The following CD200R1 variants were observed in gnomAD, a reference collection of about 807,000 sequenced individuals.
CD200R1 encodes CD200 receptor 1.
In CD200R1, 30 loss-of-function variants were observed where a neutral mutation model predicts 38.1. The observed-to-expected ratio is 0.79, with a 90% CI of 0.59 to 1.07. The LOEUF is 1.07. Among genes scored for constraint, CD200R1 ranks in the 50% least tolerant of loss-of-function variants. The probability of loss-of-function intolerance (pLI) is 0.00; values close to 1 mark genes in which losing one functional copy is unlikely to be tolerated. For missense variants in CD200R1, 372 were observed against 415.4 expected (o/e 0.90, Z 0.91); for synonymous variants, 128 against 152.1 (o/e 0.84, Z 1.16).
chr3:112,931,018 G>A, intron 3 of CD200R1, 88 bp downstream of exon 3: 2 of 922,378 alleles, frequency 2.2e-6, no homozygotes, highest in Admixed American at 3.6e-5. Flanking sequence ...TCATAAGGCT[G>A]GCTTCCAGTC....
chr3:112,968,492 G>A (rs1933221211), intron 1 of CD200R1, among the ~76,000 whole-genome samples: 1 of 152,158 alleles, frequency 6.6e-6, no homozygotes. Flanking sequence ...ATTCTTGAAG[G>A]GTGTCAATGC....
intron 1 of CD200R1, among the ~76,000 whole-genome samples, chr3:112,959,174 G>C (rs1932948814): frequency 6.6e-6 from 1 of 152,112 alleles, no homozygotes; most frequent in Non-Finnish European, 1.5e-5. Flanking sequence ...AACCAAAAGA[G>C]AGCAAGTATT....
Position 112,923,237 on chromosome 3 carries a change from C to T in CD200R1, c.*440G>A, listed in dbSNP as rs1373666705. On this transcript the variant is annotated 3_prime_UTR_variant, in exon 8 of 8. Transcript: ENST00000308611. ...ATGCAGTGTATTGTTCCCACTGGTG[C>T]CTTGACAAAGATATGTGCATGTATA... The T allele has an allele frequency of 2.6e-5, 4 of 153,222 alleles. No homozygotes were observed. Among genetic ancestry groups the T allele is most frequent in the Admixed American group, 2.0e-4 (3 of 15,316 alleles). The allele number at this position is 153,222 out of a possible 1,614,324, so 9.5% of individuals were successfully genotyped here.
At chr3:112,934,048 G>A (rs1940517759) in intron 2 of CD200R1, among the ~76,000 whole-genome samples, 1 of 151,818 alleles carries the variant, frequency 6.6e-6, no homozygotes, top group Admixed American at 6.6e-5. Flanking sequence ...AAAGAAAAAG[G>A]CACAGAAAAC....
intron 1 of CD200R1, among the ~76,000 whole-genome samples, chr3:112,969,914 G>A (rs980100798): frequency 1.3e-5 from 2 of 152,140 alleles, no homozygotes; most frequent in Non-Finnish European, 2.9e-5. Context: ...ACTCACGCCT[G>A]TAATTCCAAC....
chr3:112,961,336 A>G (rs1463582282), intron 1 of CD200R1, among the ~76,000 whole-genome samples: 2 of 152,136 alleles, frequency 1.3e-5, no homozygotes, highest in Non-Finnish European at 2.9e-5. Context: ...GTGGGAAAAT[A>G]AAACAAAATC....
At position 112,928,988 on chromosome 3, in the gene CD200R1, C is replaced by T. The variant is rs777770449; in HGVS notation, c.597G>A (p.Ala199=). ...VCKAVAGKPA[A]HISWIPEGDC... is the part of the protein sequence containing the mutation. ...CGCCCTCTGGGATCCAGGAGATATGCGCAGCTGGCTTCCCTGCAACTGCCT... is the reference window on the plus strand; with the variant it reads ...CGCCCTCTGGGATCCAGGAGATATGTGCAGCTGGCTTCCCTGCAACTGCCT... The change falls in exon 5 of 8, where the codon GCG becomes GCA. Residue 199 remains alanine (A), a synonymous_variant. Coordinates refer to ENST00000308611, the MANE Select transcript of CD200R1 (RefSeq NM_138806.4). 78 of 1,613,778 alleles carry T rather than the reference C, an allele frequency of 4.8e-5. No individual in the cohort carries two copies. The highest frequency in any genetic ancestry group is 4.3e-4 in the South Asian group (39 of 91,082).
chr3:112,961,798 A>G (rs1933025866), intron 1 of CD200R1, among the ~76,000 whole-genome samples: 1 of 152,192 alleles, frequency 6.6e-6, no homozygotes, highest in African/African-American at 2.4e-5. Context: ...TATGCTGAAA[A>G]CACATGAACC....
chr3:112,934,406 A>G (rs1940527619), intron 2 of CD200R1, among the ~76,000 whole-genome samples: 1 of 152,158 alleles, frequency 6.6e-6, no homozygotes, highest in Non-Finnish European at 1.5e-5. Flanking sequence ...AATAAAGGCA[A>G]GACTGTCACC....
intron 3 of CD200R1, 129 bp downstream of exon 3, chr3:112,930,977 C>T (rs1940418525): frequency 1.5e-6 from 1 of 659,980 alleles, no homozygotes; most frequent in Admixed American, 2.4e-5. Context: ...CCTCATACCA[C>T]AGTACTCAGA....
intron 2 of CD200R1, among the ~76,000 whole-genome samples, chr3:112,942,741 GATAT>G (rs139333737): frequency 6.7e-6 from 1 of 149,952 alleles, no homozygotes; most frequent in Non-Finnish European, 1.5e-5. Context: ...AATCTAAAGA[GATAT>G]ATATATATAT....
intron 2 of CD200R1, among the ~76,000 whole-genome samples, chr3:112,935,741 A>G (rs1180257593): frequency 6.6e-6 from 1 of 152,178 alleles, no homozygotes; most frequent in Non-Finnish European, 1.5e-5. Flanking sequence ...ACTCAATGAA[A>G]CTGAACCTAA....
chr3:112,944,092 T>G (rs1179494270), intron 2 of CD200R1, among the ~76,000 whole-genome samples: 1 of 151,914 alleles, frequency 6.6e-6, no homozygotes, highest in East Asian at 1.9e-4. Flanking sequence ...CAGCTCTCCT[T>G]AATCTCTTTC....
At chr3:112,925,808 T>A (rs1940267897) in intron 5 of CD200R1, among the ~76,000 whole-genome samples, 1 of 152,180 alleles carries the variant, frequency 6.6e-6, no homozygotes, top group Non-Finnish European at 1.5e-5. Flanking sequence ...TCCATATCTA[T>A]CTATATAGAT....
intron 2 of CD200R1, among the ~76,000 whole-genome samples, chr3:112,945,498 G>A (rs1940828631): frequency 6.6e-6 from 1 of 152,120 alleles, no homozygotes; most frequent in South Asian, 2.1e-4. Context: ...TGGACATCCA[G>A]ATGCAAAAAT....
intron 1 of CD200R1, among the ~76,000 whole-genome samples, chr3:112,969,066 G>T (rs1388629371): frequency 6.6e-6 from 1 of 151,890 alleles, no homozygotes; most frequent in Non-Finnish European, 1.5e-5. Flanking sequence ...GTGACATAAA[G>T]AAATATATAC....
intron 2 of CD200R1, among the ~76,000 whole-genome samples, chr3:112,931,967 CAT>C (rs1468185610): frequency 2.0e-5 from 3 of 152,136 alleles, no homozygotes; most frequent in Admixed American, 6.5e-5. Context: ...GCAGGGAAAA[CAT>C]AAGCAGAAGA....
At chr3:112,925,215 G>T in intron 5 of CD200R1, 22 bp from the exon 6 acceptor site, 1 of 1,139,354 alleles carries the variant, frequency 8.8e-7, no homozygotes, top group Non-Finnish European at 1.3e-6. Context: ...AAAATATATG[G>T]TTCAAATGTG....
rs1217256606 is a variant in CD200R1 at position 112,928,809 on chromosome 3, T to G, written c.769+7A>C. On this transcript the variant is annotated splice_region_variant and intron_variant, in intron 5 of 7. Transcript: ENST00000308611. The stretch of plus-strand genomic sequence containing the variant: ...AAATAAAAAATAAAACTAAAAGAAT[T>G]ACTGACCAGGAAGTAGCTCTATGTA... The G allele has an allele frequency of 1.3e-6, 2 of 1,585,854 alleles. No individual in the cohort carries two copies. The highest frequency in any genetic ancestry group is 2.7e-5 in the African/African-American group (2 of 74,106).
Sources: allele counts gnomAD v4.1 joint callset (sites outside exome capture counted in the v4.1 genomes callset), GRCh38; gene constraint gnomAD v4.1.1; transcripts MANE v1.5; gene names NCBI Gene and HGNC (gene_info 2026-07-23, HGNC 2026-07-21).